The following ISM1 variants were observed in gnomAD, a reference collection of about 807,000 sequenced individuals.
The protein encoded by ISM1 is isthmin-1.
A neutral mutation model predicts 46.3 loss-of-function variants in ISM1; 25 were observed. The ratio of observed to expected loss-of-function variants is 0.54; its 90% CI spans 0.39 to 0.75. The LOEUF (loss-of-function observed/expected upper bound fraction) is 0.75. Ranked by LOEUF, ISM1 falls within the 30% of genes least tolerant of loss-of-function variation. The pLI is 0.00. For missense variants in ISM1, 536 were observed against 625.4 expected (o/e 0.86, Z 1.52); for synonymous variants, 255 against 256.7 (o/e 0.99, Z 0.06).
chr20:13,233,247 C>G (rs1422327672), intron 1 of ISM1, among the ~76,000 whole-genome samples: 6 of 152,120 alleles, frequency 3.9e-5, no homozygotes, highest in Middle Eastern at 3.4e-3. Context: ...GAATTGGAAG[C>G]CAAGTTTATT....
chr20:13,231,753 G>A (rs1365840056), intron 1 of ISM1, among the ~76,000 whole-genome samples: 1 of 152,146 alleles, frequency 6.6e-6, no homozygotes, highest in African/African-American at 2.4e-5. Context: ...GGAAGAGATA[G>A]TACTGCGAGG....
intron 1 of ISM1, among the ~76,000 whole-genome samples, chr20:13,265,594 C>T (rs1600525607): frequency 2.6e-5 from 4 of 152,304 alleles, no homozygotes; most frequent in Admixed American, 6.5e-5. Flanking sequence ...GTGCCTTCCC[C>T]GCCCAAGCTC....
chr20:13,230,771 A>G (rs899335821), intron 1 of ISM1, among the ~76,000 whole-genome samples: 3 of 152,178 alleles, frequency 2.0e-5, no homozygotes, highest in Non-Finnish European at 2.9e-5. Context: ...GAAAAGAAAA[A>G]AAAACCTCAC....
chr20:13,291,665 T>C (rs1185752107), intron 4 of ISM1, among the ~76,000 whole-genome samples: 1 of 152,194 alleles, frequency 6.6e-6, no homozygotes, highest in Non-Finnish European at 1.5e-5. Context: ...GTTCAGTTCC[T>C]CAGAGCAAAT....
chr20:13,286,274 C>G (rs2040291426), intron 3 of ISM1, among the ~76,000 whole-genome samples: 1 of 151,548 alleles, frequency 6.6e-6, no homozygotes, highest in Non-Finnish European at 1.5e-5. Flanking sequence ...AGGCACCTCT[C>G]TGGTGCCCTT....
the ISM1 span, among the ~76,000 whole-genome samples, chr20:13,306,532 G>C: frequency 8.2e-6 from 1 of 121,878 alleles, no homozygotes. Context: ...TTTCACCTTT[G>C]GAGAGCTCAG....
At chr20:13,280,355 C>T (rs982344800) in intron 3 of ISM1, among the ~76,000 whole-genome samples, 2 of 137,566 alleles carry the variant, frequency 1.5e-5, no homozygotes, top group Admixed American at 7.2e-5. Context: ...TCCTTGGGAA[C>T]CCACATGAAC....
At chr20:13,303,948 A>T (rs1425964074), downstream of ISM1, among the ~76,000 whole-genome samples, 3 of 152,120 alleles carry the variant, frequency 2.0e-5, no homozygotes, top group Non-Finnish European at 4.4e-5. Flanking sequence ...ACCCAAAAAA[A>T]CTCTAAAGAG....
At chr20:13,309,173 T>C in the ISM1 span, among the ~76,000 whole-genome samples, 1 of 151,998 alleles carries the variant, frequency 6.6e-6, no homozygotes, top group African/African-American at 2.4e-5. Flanking sequence ...ATAAAAATAC[T>C]AAACTATGCA....
intron 1 of ISM1, among the ~76,000 whole-genome samples, chr20:13,254,510 T>C (rs6074574): frequency 0.44 from 66,481 of 152,056 alleles, 15,426 homozygotes; most frequent in East Asian, 0.79. Context: ...CCTAAACCCC[T>C]GCTGCTCTCT....
At chr20:13,246,400 C>T (rs751217908) in intron 1 of ISM1, among the ~76,000 whole-genome samples, 13 of 152,054 alleles carry the variant, frequency 8.5e-5, no homozygotes, top group Admixed American at 2.0e-4. Context: ...TCTGTGGGTA[C>T]GAAGCATCCC....
At chr20:13,278,322 AC>A (rs1373200187) in intron 2 of ISM1, among the ~76,000 whole-genome samples, 5 of 152,210 alleles carry the variant, frequency 3.3e-5, no homozygotes, top group Admixed American at 3.3e-4. Context: ...ATCTGCTCTG[AC>A]CCTAAGGGTT....
At chr20:13,302,056 G>T (rs374513087), downstream of ISM1, among the ~76,000 whole-genome samples, 9 of 152,192 alleles carry the variant, frequency 5.9e-5, no homozygotes, top group African/African-American at 1.2e-4. Flanking sequence ...TGAAAACCGG[G>T]AGTTTAAGGT....
At chr20:13,307,861 T>C in the ISM1 span, among the ~76,000 whole-genome samples, 1 of 152,218 alleles carries the variant, frequency 6.6e-6, no homozygotes, top group African/African-American at 2.4e-5. Flanking sequence ...GTTTCTAGAT[T>C]GGGGCTTTCA....
At position 13,230,733 on chromosome 20, in the gene ISM1, G is replaced by A. The variant is rs117741032; in HGVS notation, c.138+8819G>A. 3.7e-3 allele frequency among the ~76,000 whole-genome samples: 560 copies of A among 150,556 alleles called. 5 individuals carry two copies. The highest frequency in any genetic ancestry group is 0.017 in the Middle Eastern group (5 of 292). ...GTAGTGAGTTCAAACAAACAGCAAG[G>A]GAATGTGTTGTAGAAAAAAAAAGAA... On this transcript the variant is annotated intron_variant, in intron 1 of 5. Coordinates refer to ENST00000262487, the MANE Select transcript of ISM1 (RefSeq NM_080826.2).
the ISM1 span, among the ~76,000 whole-genome samples, chr20:13,309,185 G>A: frequency 6.6e-6 from 1 of 152,086 alleles, no homozygotes; most frequent in East Asian, 1.9e-4. Flanking sequence ...AACTATGCAT[G>A]GGAAGACTAA....
chr20:13,300,064 C>G lies in ISM1; in HGVS notation c.*605C>G. The G allele has an allele frequency of 6.6e-6, 1 of 152,182 alleles. No individual in the cohort carries two copies. Among genetic ancestry groups the G allele is most frequent in the East Asian group, 1.9e-4 (1 of 5,198 alleles). The allele number at this position is 152,182 out of a possible 1,614,324, so 9.4% of individuals were successfully genotyped here. A position where few individuals can be genotyped will look rare whatever the true frequency, so the allele number is the denominator to read the frequency against. The stretch of plus-strand genomic sequence containing the variant: ...CAAATGTTATTTGGTCATGAGGCAC[C>G]TTGCTGGAGTCTCAGATTCCAAAAG... On this transcript the variant is annotated 3_prime_UTR_variant, in exon 6 of 6. Coordinates refer to ENST00000262487, the MANE Select transcript of ISM1 (RefSeq NM_080826.2).
At chr20:13,313,435 T>C in the ISM1 span, among the ~76,000 whole-genome samples, 373 of 152,324 alleles carry the variant, frequency 2.4e-3, 13 homozygotes, top group East Asian at 0.066. Context: ...CCTGTTCAAA[T>C]AAGGTAAACA....
intron 4 of ISM1, among the ~76,000 whole-genome samples, chr20:13,289,143 A>G (rs2040326085): frequency 6.6e-6 from 1 of 152,152 alleles, no homozygotes; most frequent in African/African-American, 2.4e-5. Flanking sequence ...AGCTGAATGG[A>G]TTTTCTGAGT....
Sources: gnomAD v4.1 joint callset for allele counts (sites outside exome capture counted in the v4.1 genomes callset) on GRCh38, gnomAD v4.1.1 for gene constraint, MANE v1.5 for transcripts, NCBI Gene and HGNC (gene_info 2026-07-23, HGNC 2026-07-21) for gene names.